The following ASIC2 variants were observed in gnomAD, a reference collection of about 807,000 sequenced individuals.
ASIC2 encodes the protein acid-sensing ion channel 2.
In ASIC2, 25 loss-of-function variants were observed where a neutral mutation model predicts 57.3. The observed-to-expected ratio is 0.44, with a 90% CI of 0.32 to 0.61. The LOEUF (loss-of-function observed/expected upper bound fraction) is 0.61, where lower values mean the gene tolerates loss of function less well. Among genes scored for constraint, ASIC2 ranks in the 20% least tolerant of loss-of-function variants. The pLI, the probability that ASIC2 is intolerant of heterozygous loss-of-function variation, is 0.06. For synonymous variants in ASIC2, 319 were observed against 307.5 expected (o/e 1.04, Z -0.39); for missense variants, 641 against 738.1 (o/e 0.87, Z 1.52).
chr17:33,148,924 T>C (rs771838993), intron 1 of ASIC2, among the ~76,000 whole-genome samples: 17 of 152,054 alleles, frequency 1.1e-4, no homozygotes, highest in Non-Finnish European at 1.9e-4. Flanking sequence ...TGAAACCCCA[T>C]CTCTACTAAA....
At chr17:33,953,582 A>G (rs1283739836) in intron 1 of ASIC2, among the ~76,000 whole-genome samples, 1 of 152,084 alleles carries the variant, frequency 6.6e-6, no homozygotes, top group East Asian at 1.9e-4. Flanking sequence ...AAAAAATCAT[A>G]TAAATCAATG....
chr17:33,841,408 G>C (rs1464364888), intron 1 of ASIC2, among the ~76,000 whole-genome samples: 1 of 152,194 alleles, frequency 6.6e-6, no homozygotes, highest in Non-Finnish European at 1.5e-5. Flanking sequence ...CAGGCTTTAA[G>C]CCTAAAGTGC....
chr17:33,499,860 C>T (rs912840236), intron 1 of ASIC2, among the ~76,000 whole-genome samples: 15 of 152,096 alleles, frequency 9.9e-5, no homozygotes, highest in African/African-American at 2.7e-4. Flanking sequence ...ATTGCCGAGA[C>T]GGAGAGAAAG....
chr17:33,097,346 T>C (rs535660373), intron 2 of ASIC2, among the ~76,000 whole-genome samples: 2 of 152,354 alleles, frequency 1.3e-5, no homozygotes, highest in African/African-American at 4.8e-5. Flanking sequence ...AATATCTCCA[T>C]TTCATTACAT....
intron 3 of ASIC2, among the ~76,000 whole-genome samples, chr17:33,058,149 T>C (rs1302051826): frequency 6.6e-6 from 1 of 152,144 alleles, no homozygotes; most frequent in African/African-American, 2.4e-5. Context: ...GGAGATAATA[T>C]AAGTGATTGA....
chr17:33,530,173 A>C (rs1477224834), intron 1 of ASIC2: 2 of 152,230 alleles, frequency 1.3e-5, no homozygotes, highest in East Asian at 3.9e-4. Context: ...AGGCTCTCTG[A>C]AGGAGAAAGG....
chr17:33,366,685 T>C (rs928392700), intron 1 of ASIC2, among the ~76,000 whole-genome samples: 1 of 152,254 alleles, frequency 6.6e-6, no homozygotes, highest in African/African-American at 2.4e-5. Flanking sequence ...GGACAGAGAT[T>C]CTTATTGCTG....
chr17:33,261,486 G>C (rs915603103), intron 1 of ASIC2, among the ~76,000 whole-genome samples: 4 of 152,174 alleles, frequency 2.6e-5, no homozygotes, highest in African/African-American at 4.8e-5. Context: ...GTGACCTGGA[G>C]AAAGTCAATT....
At chr17:34,087,131 G>A (rs1910140296) in intron 1 of ASIC2, among the ~76,000 whole-genome samples, 1 of 151,776 alleles carries the variant, frequency 6.6e-6, no homozygotes, top group Non-Finnish European at 1.5e-5. Flanking sequence ...TTTCTTCCTC[G>A]TCTCGATGGT....
At chr17:33,362,558 G>C (rs187256451) in intron 1 of ASIC2, among the ~76,000 whole-genome samples, 116 of 152,334 alleles carry the variant, frequency 7.6e-4, no homozygotes, top group Admixed American at 4.1e-3. Context: ...TTGCAGGTAA[G>C]AGGGCATTTA....
chr17:34,003,034 T>C (rs1191686071), intron 1 of ASIC2: 1 of 152,224 alleles, frequency 6.6e-6, no homozygotes, highest in Non-Finnish European at 1.5e-5. Flanking sequence ...GGTATAATTG[T>C]TGGGACTTCT....
chr17:33,488,329 A>G (rs1219219280), intron 1 of ASIC2, among the ~76,000 whole-genome samples: 1 of 152,142 alleles, frequency 6.6e-6, no homozygotes, highest in East Asian at 1.9e-4. Flanking sequence ...GCCATCCCCC[A>G]GTGTTAGGAA....
At chr17:33,594,312 C>T (rs1694931533) in intron 1 of ASIC2, among the ~76,000 whole-genome samples, 1 of 152,240 alleles carries the variant, frequency 6.6e-6, no homozygotes, top group Non-Finnish European at 1.5e-5. Context: ...CAACCCCCAT[C>T]TCATACCAGA....
At chr17:33,744,639 C>T (rs2142100027) in intron 1 of ASIC2, among the ~76,000 whole-genome samples, 1 of 152,124 alleles carries the variant, frequency 6.6e-6, no homozygotes, top group Admixed American at 6.5e-5. Context: ...CATTTTTCAA[C>T]ACAAAATTAT....
chr17:34,138,681 A>G (rs1464368098), intron 1 of ASIC2, among the ~76,000 whole-genome samples: 1 of 152,202 alleles, frequency 6.6e-6, no homozygotes, highest in Admixed American at 6.5e-5. Context: ...AGCAATAAAG[A>G]GTCCCACCAT....
At chr17:34,063,664 A>G (rs1909054192) in intron 1 of ASIC2, among the ~76,000 whole-genome samples, 1 of 151,446 alleles carries the variant, frequency 6.6e-6, no homozygotes, top group Non-Finnish European at 1.5e-5. Flanking sequence ...AAAAGAACTC[A>G]GCCAAGTTTC....
chr17:33,118,061 A>G lies in ASIC2; in HGVS notation c.709-5994T>C, dbSNP rs960441443. ...CTGGGGGCCAAGGAGTTCTGTAGAA[A>G]GGGAGATGCTTCCATGCACACAGCC... On this transcript the variant is annotated intron_variant, in intron 1 of 9. Transcript: ENST00000225823. Among the ~76,000 whole-genome samples, 3 of 152,228 alleles carry G rather than the reference A, an allele frequency of 2.0e-5. 1 individual carries two copies. Among genetic ancestry groups the G allele is most frequent in the Middle Eastern group, 6.3e-3 (2 of 316 alleles).
Position 33,409,498 on chromosome 17 carries a change from G to A in ASIC2, c.556-297431C>T, listed in dbSNP as rs116514831. 9.4e-4 allele frequency among the ~76,000 whole-genome samples: 143 copies of A among 152,326 alleles called. 1 individual carries two copies. The highest frequency in any genetic ancestry group is 3.3e-3 in the African/African-American group (138 of 41,558). On this transcript the variant is annotated intron_variant, in intron 1 of 9. Coordinates refer to the ASIC2 transcript ENST00000359872. ...TAATGTTAGGAGTTTGGCCAGAACT[G>A]GAGAGAATGATAGAGATGCGTGAAG...
intron 1 of ASIC2, among the ~76,000 whole-genome samples, chr17:33,687,516 G>A (rs12452912): frequency 0.1 from 15,936 of 152,192 alleles, 977 homozygotes; most frequent in East Asian, 0.2. Flanking sequence ...CTGCCACAAT[G>A]GTTGGAAGTC....
Sources: gnomAD v4.1 joint callset for allele counts (sites outside exome capture counted in the v4.1 genomes callset) on GRCh38, gnomAD v4.1.1 for gene constraint, MANE v1.5 for transcripts, NCBI Gene and HGNC (gene_info 2026-07-23, HGNC 2026-07-21) for gene names.